Variants in DAGLA observed in about 807,000 individuals in gnomAD.
DAGLA encodes the protein diacylglycerol lipase-alpha.
Under a neutral mutation model 102.6 loss-of-function variants are expected in DAGLA, and 22 were observed. The ratio of observed to expected loss-of-function variants is 0.21; its 90% CI spans 0.15 to 0.31. DAGLA has a LOEUF of 0.31. Ranked by LOEUF, DAGLA falls within the 10% of genes least tolerant of loss-of-function variation. The probability of loss-of-function intolerance (pLI) is 1.00; values close to 1 mark genes in which losing one functional copy is unlikely to be tolerated. For missense variants in DAGLA, 927 were observed against 1,446.6 expected, an observed-to-expected ratio of 0.64 and a Z score of 5.83; for synonymous variants, 578 against 628.9, an observed-to-expected ratio of 0.92 and a Z score of 1.21.
intron 1 of DAGLA, among the ~76,000 whole-genome samples, chr11:61,696,856 C>T (rs577201180): frequency 1.3e-5 from 2 of 152,030 alleles, no homozygotes; most frequent in South Asian, 4.2e-4. Context: ...GAGTGTGCGG[C>T]TTGTGAGCTG....
rs971081007 is a variant in DAGLA at position 61,684,755 on chromosome 11, C to T, written c.-45+4251C>T. On this transcript the variant is annotated intron_variant, in intron 1 of 19. Transcript: ENST00000257215. This position sits in a 1 kb window ranked among gnomAD's most constrained non-coding sequence, Gnocchi z 4.5. ...AAGTGAGGGCGGAGGGGGTGTGGAG[C>T]GCCTGGTGGTGTGGGAGCGCGCAGG... Among the ~76,000 whole-genome samples the T allele has an allele frequency of 1.3e-5, 2 of 151,880 alleles. No homozygotes were observed. Among genetic ancestry groups the T allele is most frequent in the Middle Eastern group, 3.2e-3 (1 of 316 alleles).
At chr11:61,721,004 A>G (rs1163180272) in intron 3 of DAGLA, 114 bp downstream of exon 3, 17 of 972,128 alleles carry the variant, frequency 1.7e-5, no homozygotes, top group Non-Finnish European at 2.6e-5. Flanking sequence ...GCACTGGGGT[A>G]CAGCAGTGAA....
At chr11:61,740,726 C>G (rs188750125) in intron 18 of DAGLA, 134 bp downstream of exon 18, 5 of 1,157,504 alleles carry the variant, frequency 4.3e-6, no homozygotes, top group Non-Finnish European at 4.9e-6. Flanking sequence ...GGTAGCTGGG[C>G]CAGAAAGCCC....
chr11:61,706,559 A>G (rs1373636732), intron 1 of DAGLA, among the ~76,000 whole-genome samples: 2 of 152,036 alleles, frequency 1.3e-5, no homozygotes, highest in Non-Finnish European at 2.9e-5. Flanking sequence ...TCTGTCTAAA[A>G]CAGGCGGGGG....
chr11:61,694,847 T>C (rs927341905), intron 1 of DAGLA, among the ~76,000 whole-genome samples: 4 of 152,022 alleles, frequency 2.6e-5, no homozygotes, highest in Admixed American at 6.5e-5. Context: ...CATTACCCAC[T>C]TCCCTGCCTG....
rs1247645020 is a variant in DAGLA at position 61,745,184 on chromosome 11, GCCT to G, written c.*700_*702del. 6.5e-6 allele frequency: 1 copy of G among 153,036 alleles called. No homozygotes were observed. Among genetic ancestry groups the G allele is most frequent in the East Asian group, 1.9e-4 (1 of 5,306 alleles). The allele number at this position is 153,036 out of a possible 1,614,324, so 9.5% of individuals were successfully genotyped here. A position where few individuals can be genotyped will look rare whatever the true frequency, so the allele number is the denominator to read the frequency against. On this transcript the variant is annotated 3_prime_UTR_variant, in exon 20 of 20. Coordinates refer to ENST00000257215, the MANE Select transcript of DAGLA (RefSeq NM_006133.3). The stretch of plus-strand genomic sequence containing the variant: ...TTCTCTGCCTTGTGCCTCTCATGCT[GCCT>G]CCTCTGCCCATGGGTCCTGGGCACC...
chr11:61,696,449 G>A (rs961878412), intron 1 of DAGLA, among the ~76,000 whole-genome samples: 1 of 152,186 alleles, frequency 6.6e-6, no homozygotes, highest in Non-Finnish European at 1.5e-5. Flanking sequence ...CAGTGGGGCC[G>A]GGGCGCTCCC....
In DAGLA at chr11:61,735,517, G is replaced by A. The variant is rs775385013; in HGVS notation, c.1129-44G>A. The A allele has an allele frequency of 8.3e-6, 13 of 1,575,250 alleles. No homozygotes were observed. In the East Asian group the frequency reaches 1.1e-4, roughly 14 times the overall value. The stretch of plus-strand genomic sequence containing the variant: ...GCCTAGGTCACTTTCCCTGAGTGTG[G>A]CCCCACCAGGGCCGCTCAGGCTCAC... On this transcript the variant is annotated intron_variant, in intron 10 of 19. Transcript: ENST00000257215.
chr11:61,707,201 C>T (rs2065157164), intron 1 of DAGLA, among the ~76,000 whole-genome samples: 1 of 152,266 alleles, frequency 6.6e-6, no homozygotes, highest in Non-Finnish European at 1.5e-5. Flanking sequence ...GCCCCAGCTC[C>T]ACCTCCCACC....
In DAGLA at chr11:61,735,584, G is replaced by A; in HGVS notation, c.1152G>A (p.Val384=). The A allele has an allele frequency of 6.2e-7, 1 of 1,614,052 alleles. No individual in the cohort carries two copies. Among genetic ancestry groups the A allele is most frequent in the Non-Finnish European group, 8.5e-7 (1 of 1,179,958 alleles). ...AGGTCTATGAAACGCCCTTCTACGT[G>A]GCGGTGGACCATGACAAGAAGAAAG... The part of the protein sequence containing the change: ...HDAVYETPFY[V]AVDHDKKKVV... Residue 384 remains valine, a synonymous_variant, in exon 11 of 20, where the codon GTG becomes GTA. Coordinates refer to ENST00000257215, the MANE Select transcript of DAGLA (RefSeq NM_006133.3).
In DAGLA at chr11:61,745,946, C is replaced by T. The variant is rs1039378264; in HGVS notation, c.*1457C>T. On this transcript the variant is annotated 3_prime_UTR_variant, in exon 20 of 20. Coordinates refer to ENST00000257215, the MANE Select transcript of DAGLA (RefSeq NM_006133.3). ...TCCCATCGCGCCTGCTGCTGTGACC[C>T]GTTTTGGAAAACTGGTGTGTACCGA... is the stretch of plus-strand genomic sequence containing the variant. 3.9e-5 allele frequency: 6 copies of T among 152,514 alleles called. No individual in the cohort carries two copies. The East Asian group carries it at 5.6e-4, about 14-fold the overall frequency. The allele number at this position is 152,514 out of a possible 1,614,324, so 9.4% of individuals were successfully genotyped here.
intron 1 of DAGLA, among the ~76,000 whole-genome samples, chr11:61,696,179 C>T (rs1001940812): frequency 1.3e-5 from 2 of 152,324 alleles, no homozygotes; most frequent in South Asian, 2.1e-4. Context: ...TAGGTGTCAG[C>T]GGAACCGTCA....
At chr11:61,681,639 G>T (rs1290291872) in intron 1 of DAGLA, among the ~76,000 whole-genome samples, 1 of 152,100 alleles carries the variant, frequency 6.6e-6, no homozygotes, top group African/African-American at 2.4e-5. Context: ...GGGTCCAGAG[G>T]ATTGGATCGA....
At chr11:61,717,131 G>C (rs1263254253) in intron 1 of DAGLA, among the ~76,000 whole-genome samples, 2 of 152,136 alleles carry the variant, frequency 1.3e-5, no homozygotes, top group Non-Finnish European at 2.9e-5. Context: ...AGCCAGAAGA[G>C]GTGCTTTGTG....
chr11:61,724,615 C>T (rs144650052), intron 5 of DAGLA, among the ~76,000 whole-genome samples: 32 of 152,330 alleles, frequency 2.1e-4, no homozygotes, highest in South Asian at 6.2e-4. Context: ...TTCGGCTCCC[C>T]GTGGACCTTC....
intron 1 of DAGLA, among the ~76,000 whole-genome samples, chr11:61,705,324 C>T (rs985547177): frequency 2.0e-5 from 3 of 152,214 alleles, no homozygotes; most frequent in South Asian, 2.1e-4. Context: ...TCTTCACCCT[C>T]GCACCCACCT....
At chr11:61,735,134 C>A (rs530657022) in intron 10 of DAGLA, 132 bp downstream of exon 10, 43 of 1,075,174 alleles carry the variant, frequency 4.0e-5, no homozygotes, top group Admixed American at 7.8e-5. Context: ...TCCAGGCATC[C>A]CTAGCTGGGC....
In DAGLA at chr11:61,744,312, G is replaced by A. The variant is rs369605619; in HGVS notation, c.2952G>A (p.Ser984=). 1.5e-5 allele frequency: 24 copies of A among 1,612,574 alleles called. No individual in the cohort carries two copies. Among genetic ancestry groups the A allele is most frequent in the Admixed American group, 3.3e-5 (2 of 60,012 alleles). Residue 984 remains serine (S), a synonymous_variant, in exon 20 of 20, where the codon TCG becomes TCA. Transcript: ENST00000257215. ...RLFAGSADPS[S]GISLSPSFPL... ...TTGCCGGCTCAGCCGACCCCTCCTC[G>A]GGCATCTCACTCTCGCCCTCCTTCC... is the stretch of plus-strand genomic sequence containing the variant.
rs756737819 is a variant in DAGLA at position 61,741,286 on chromosome 11, C to T, written c.2108C>T (p.Pro703Leu). ...CAGCAGCAGCCACTCCCCACGGGGC[C>T]GCCCATGCCCACTGGCCTTGCCCTG... ...IFQQQPLPTG[P>L]PMPTGLALEL... Residue 703 changes from proline to leucine, a missense_variant, in exon 19 of 20, where the codon CCG (proline) becomes CTG (leucine). Coordinates refer to ENST00000257215, the MANE Select transcript of DAGLA (RefSeq NM_006133.3). 24 of 1,612,758 alleles carry T rather than the reference C, an allele frequency of 1.5e-5. No homozygotes were observed. The highest frequency in any genetic ancestry group is 3.4e-4 in the Middle Eastern group (2 of 5,924).
Sources: allele counts gnomAD v4.1 joint callset (sites outside exome capture counted in the v4.1 genomes callset), GRCh38; gene constraint gnomAD v4.1.1; non-coding constraint Gnocchi (gnomAD v3.1); transcripts MANE v1.5; gene names NCBI Gene and HGNC (gene_info 2026-07-23, HGNC 2026-07-21).